Variants in CLVS1 observed in about 807,000 individuals in gnomAD.
CLVS1 encodes the protein clavesin-1.
A neutral mutation model predicts 33.1 loss-of-function variants in CLVS1; 10 were observed. The ratio of observed to expected loss-of-function variants is 0.30; its 90% CI spans 0.19 to 0.51. CLVS1 has a LOEUF of 0.51. CLVS1 is among the 20% of genes least tolerant of loss of function. The pLI is 0.97. For missense variants in CLVS1, 343 were observed against 433.4 expected (o/e 0.79, Z 1.85); for synonymous variants, 163 against 166.1 (o/e 0.98, Z 0.14).
At chr8:60,995,043 C>T in the CLVS1 span, among the ~76,000 whole-genome samples, 1 of 151,778 alleles carries the variant, frequency 6.6e-6, no homozygotes, top group African/African-American at 2.4e-5. Context: ...AACGTTAGAC[C>T]TAAAACCATA....
chr8:61,195,897 T>C (rs1413943216), intron 2 of CLVS1, among the ~76,000 whole-genome samples: 1 of 152,158 alleles, frequency 6.6e-6, no homozygotes, highest in Admixed American at 6.5e-5. Flanking sequence ...TATTTACAAG[T>C]ATGTAATTAA....
the CLVS1 span, among the ~76,000 whole-genome samples, chr8:61,000,483 C>T: frequency 6.6e-6 from 1 of 152,050 alleles, no homozygotes; most frequent in Non-Finnish European, 1.5e-5. Context: ...AGTGGGAGGG[C>T]ACAGGAGACG....
At chr8:61,154,688 C>A (rs1157241190) in intron 2 of CLVS1, among the ~76,000 whole-genome samples, 1 of 152,136 alleles carries the variant, frequency 6.6e-6, no homozygotes, top group Non-Finnish European at 1.5e-5. Flanking sequence ...GCCTCAGTTT[C>A]TTTATCTGCA....
At chr8:61,489,006 G>A (rs1342062702) in intron 5 of CLVS1, among the ~76,000 whole-genome samples, 8 of 152,192 alleles carry the variant, frequency 5.3e-5, no homozygotes, top group Non-Finnish European at 1.2e-4. Context: ...GATGCTGCCA[G>A]ATATTTGGGT....
chr8:61,095,744 G>T (rs1805340991), intron 1 of CLVS1, among the ~76,000 whole-genome samples: 1 of 152,198 alleles, frequency 6.6e-6, no homozygotes, highest in Admixed American at 6.5e-5. Flanking sequence ...GATGTTTGGT[G>T]TTTCAAGGCA....
the CLVS1 span, among the ~76,000 whole-genome samples, chr8:60,969,465 G>A: frequency 6.6e-6 from 1 of 152,170 alleles, no homozygotes; most frequent in East Asian, 1.9e-4. Flanking sequence ...TGTTATGTCA[G>A]CCTTACGATC....
chr8:61,290,876 G>A (rs984459848), intron 1 of CLVS1, among the ~76,000 whole-genome samples: 48 of 152,118 alleles, frequency 3.2e-4, no homozygotes, highest in African/African-American at 1.1e-3. Context: ...TTTGATTATT[G>A]TTAATTTTAT....
chr8:61,176,900 C>G (rs1304562741), intron 2 of CLVS1, among the ~76,000 whole-genome samples: 1 of 152,224 alleles, frequency 6.6e-6, no homozygotes, highest in African/African-American at 2.4e-5. Context: ...CACTCAGATT[C>G]AGAACAGCCA....
intron 2 of CLVS1, among the ~76,000 whole-genome samples, chr8:61,215,278 G>A (rs1239525313): frequency 6.6e-6 from 1 of 152,058 alleles, no homozygotes; most frequent in Non-Finnish European, 1.5e-5. Context: ...CACTTTAAAT[G>A]GGCTATATAA....
chr8:61,393,514 C>G (rs1017999187), intron 3 of CLVS1, among the ~76,000 whole-genome samples: 1 of 152,134 alleles, frequency 6.6e-6, no homozygotes, highest in Admixed American at 6.5e-5. Context: ...TTTTCTGGTT[C>G]CTTCTCATTT....
intron 2 of CLVS1, among the ~76,000 whole-genome samples, chr8:61,228,651 G>T (rs541491709): frequency 6.6e-6 from 1 of 152,256 alleles, no homozygotes; most frequent in Non-Finnish European, 1.5e-5. Context: ...CACTGTATTT[G>T]TCTTTCTCTG....
intron 2 of CLVS1, among the ~76,000 whole-genome samples, chr8:61,270,944 G>A (rs1809423777): frequency 6.6e-6 from 1 of 151,026 alleles, no homozygotes; most frequent in Non-Finnish European, 1.5e-5. Context: ...TATCAATTTT[G>A]TTGATCCTGT....
chr8:61,275,273 T>TGACC (rs1809539456), intron 2 of CLVS1, among the ~76,000 whole-genome samples: 1 of 152,172 alleles, frequency 6.6e-6, no homozygotes, highest in Admixed American at 6.5e-5. Flanking sequence ...GCCTTATTCC[T>TGACC]GACCCCATTT....
intron 2 of CLVS1, among the ~76,000 whole-genome samples, chr8:61,136,185 G>T (rs1413090301): frequency 2.0e-5 from 3 of 152,220 alleles, no homozygotes; most frequent in Non-Finnish European, 4.4e-5. Context: ...TCTAACTGTT[G>T]CAGGGAAGAG....
At chr8:61,174,389 T>A (rs141714138) in intron 2 of CLVS1, among the ~76,000 whole-genome samples, 247 of 152,100 alleles carry the variant, frequency 1.6e-3, no homozygotes, top group African/African-American at 5.5e-3. Flanking sequence ...TGAGCTAAGA[T>A]CATGTCATTG....
chr8:61,004,804 T>C, the CLVS1 span, among the ~76,000 whole-genome samples: 1 of 152,312 alleles, frequency 6.6e-6, no homozygotes, highest in East Asian at 1.9e-4. Context: ...TTACCTGCCA[T>C]TCAAGTACCA....
chr8:61,157,233 T>C (rs1281592618), intron 2 of CLVS1, among the ~76,000 whole-genome samples: 1 of 152,160 alleles, frequency 6.6e-6, no homozygotes, highest in Non-Finnish European at 1.5e-5. Flanking sequence ...AAAGTAAGGC[T>C]AAGTCCACAC....
intron 2 of CLVS1, among the ~76,000 whole-genome samples, chr8:61,157,427 C>T (rs116859569): frequency 1.1e-4 from 16 of 152,152 alleles, no homozygotes; most frequent in South Asian, 6.2e-4. Context: ...AAAGCTAAAA[C>T]GATAAAGCTA....
At chr8:61,314,627 A>G (rs1243240487) in intron 2 of CLVS1, among the ~76,000 whole-genome samples, 2 of 152,210 alleles carry the variant, frequency 1.3e-5, no homozygotes, top group Non-Finnish European at 2.9e-5. Flanking sequence ...CATGGTGACT[A>G]GAGTGAATTT....
Sources: allele counts gnomAD v4.1 joint callset (sites outside exome capture counted in the v4.1 genomes callset), GRCh38; gene constraint gnomAD v4.1.1; transcripts MANE v1.5; gene names NCBI Gene and HGNC (gene_info 2026-07-23, HGNC 2026-07-21).